The following TUSC3 variants were observed in gnomAD, a reference collection of about 807,000 sequenced individuals.
TUSC3 encodes the protein tumor suppressor candidate 3.
TUSC3 carries 45 observed loss-of-function variants against 44.8 expected under a neutral mutation model. The observed-to-expected ratio is 1.00, with a 90% CI of 0.79 to 1.29. The LOEUF (loss-of-function observed/expected upper bound fraction) is 1.29, where lower values mean the gene tolerates loss of function less well. Among genes scored for constraint, TUSC3 ranks in the 50% most tolerant of loss-of-function variants. The pLI is 0.00. For synonymous variants in TUSC3, 212 were observed against 152.9 expected (o/e 1.39, Z -2.85); for missense variants, 519 against 437.9 (o/e 1.19, Z -1.65).
At position 15,512,087 on chromosome 8, in the gene TUSC3, A is replaced by C. The variant is rs543732345; in HGVS notation, n.189+28604A>C. Among the ~76,000 whole-genome samples, 14 of 152,362 alleles carry C rather than the reference A, an allele frequency of 9.2e-5. No individual in the cohort carries two copies. In the East Asian group the frequency reaches 2.7e-3, roughly 29 times the overall value. On this transcript the variant is annotated intron_variant and non_coding_transcript_variant, in intron 2 of 5. Transcript: ENST00000503191. ...CTTTGAAAAAGAGGAACAATGTTGGAAGACTTGTACTACGTAATTTCAAAA... is the reference window on the plus strand; with the variant it reads ...CTTTGAAAAAGAGGAACAATGTTGGCAGACTTGTACTACGTAATTTCAAAA...
chr8:15,723,727 G>T (rs1325678062), intron 6 of TUSC3, among the ~76,000 whole-genome samples: 3 of 152,210 alleles, frequency 2.0e-5, no homozygotes, highest in East Asian at 1.9e-4. Flanking sequence ...AGCTTATTTT[G>T]TGCAATGACA....
chr8:15,663,866 CT>C (rs1334360554), intron 5 of TUSC3, among the ~76,000 whole-genome samples: 3 of 151,822 alleles, frequency 2.0e-5, no homozygotes, highest in African/African-American at 7.2e-5. Flanking sequence ...AAATGCAGTA[CT>C]TTCACTGTGT....
At chr8:15,650,620 G>A (rs1806851691) in intron 2 of TUSC3, 77 bp from the exon 3 acceptor site, 2 of 1,236,966 alleles carry the variant, frequency 1.6e-6, no homozygotes, top group South Asian at 1.2e-5. Context: ...CTTGTCCTAG[G>A]GTTGTCTGTT....
At chr8:15,438,115 A>G (rs1436920208) in intron 1 of TUSC3, among the ~76,000 whole-genome samples, 4 of 152,010 alleles carry the variant, frequency 2.6e-5, no homozygotes, top group African/African-American at 2.4e-5. Flanking sequence ...GGGTTTTTTG[A>G]GACGGAGTTT....
At chr8:15,758,261 A>C (rs944639166) in intron 10 of TUSC3, 9 of 984,264 alleles carry the variant, frequency 9.1e-6, no homozygotes, top group Non-Finnish European at 1.1e-5. Flanking sequence ...GGTAATAAAA[A>C]ATACAAGTCT....
the TUSC3 span, among the ~76,000 whole-genome samples, chr8:15,777,981 G>A: frequency 6.6e-6 from 1 of 151,522 alleles, no homozygotes; most frequent in Non-Finnish European, 1.5e-5. Flanking sequence ...AAAGAGCATT[G>A]AAAAACATCT....
the TUSC3 span, among the ~76,000 whole-genome samples, chr8:15,833,190 G>A: frequency 6.6e-6 from 1 of 152,044 alleles, no homozygotes; most frequent in Non-Finnish European, 1.5e-5. Context: ...AATGGCTCTT[G>A]CTAAAAAGTC....
chr8:15,582,634 A>C (rs1803416767), intron 1 of TUSC3, among the ~76,000 whole-genome samples: 1 of 152,208 alleles, frequency 6.6e-6, no homozygotes, highest in South Asian at 2.1e-4. Flanking sequence ...AAACAGAGTC[A>C]AGAGGCTAGG....
chr8:15,537,511 A>T (rs578182205), upstream of TUSC3, among the ~76,000 whole-genome samples: 1 of 152,312 alleles, frequency 6.6e-6, no homozygotes, highest in African/African-American at 2.4e-5. Flanking sequence ...AAATCTCTTC[A>T]AACATTTTAC....
chr8:15,823,364 G>A, the TUSC3 span, among the ~76,000 whole-genome samples: 1 of 152,128 alleles, frequency 6.6e-6, no homozygotes, highest in Admixed American at 6.6e-5. Context: ...ACTGTGGACT[G>A]CCTCATTTCA....
At chr8:15,517,223 G>T (rs1801229281) in intron 2 of TUSC3, among the ~76,000 whole-genome samples, 1 of 152,090 alleles carries the variant, frequency 6.6e-6, no homozygotes, top group South Asian at 2.1e-4. Context: ...AAATGTTATA[G>T]ATGGAGAAAC....
intron 2 of TUSC3, among the ~76,000 whole-genome samples, chr8:15,496,631 GC>G (rs1800884003): frequency 6.6e-6 from 1 of 152,102 alleles, no homozygotes; most frequent in South Asian, 2.1e-4. Flanking sequence ...CTAGATACAG[GC>G]CCAGTGGTTA....
intron 2 of TUSC3, among the ~76,000 whole-genome samples, chr8:15,484,983 G>T (rs1317544010): frequency 6.6e-6 from 1 of 152,114 alleles, no homozygotes; most frequent in African/African-American, 2.4e-5. Flanking sequence ...TATGGCGTAT[G>T]GTATGGTGTG....
rs528370038 is a variant in TUSC3, at chr8:15,523,785, C to G, written n.189+40302C>G. Among the ~76,000 whole-genome samples, 13 of 148,900 alleles carry G rather than the reference C, an allele frequency of 8.7e-5. No homozygotes were observed. In the East Asian group the frequency reaches 1.6e-3, roughly 18 times the overall value. The stretch of plus-strand genomic sequence containing the variant: ...AGAAAGTAAAAATAGAGGCAGGGCG[C>G]GGAGGCTTACGCCTGTAATCCCAGC... On this transcript the variant is annotated intron_variant and non_coding_transcript_variant, in intron 2 of 5. Coordinates refer to the TUSC3 transcript ENST00000503191.
At chr8:15,476,238 A>T (rs956772417) in intron 1 of TUSC3, among the ~76,000 whole-genome samples, 1 of 152,208 alleles carries the variant, frequency 6.6e-6, no homozygotes, top group Admixed American at 6.5e-5. Flanking sequence ...CCTGAGTAGG[A>T]TGAAAAAATA....
intron 1 of TUSC3, among the ~76,000 whole-genome samples, chr8:15,449,463 C>T (rs1800164165): frequency 6.6e-6 from 1 of 152,072 alleles, no homozygotes; most frequent in African/African-American, 2.4e-5. Flanking sequence ...GGTCTCTTAC[C>T]AGGAAGGAAT....
chr8:15,815,007 A>G, the TUSC3 span, among the ~76,000 whole-genome samples: 2 of 152,178 alleles, frequency 1.3e-5, no homozygotes, highest in Non-Finnish European at 2.9e-5. Context: ...CAAGATACAC[A>G]CAGACACAAA....
chr8:15,806,667 T>C, the TUSC3 span: 4 of 1,066,784 alleles, frequency 3.7e-6, no homozygotes, highest in South Asian at 5.1e-5. Context: ...AGCTGCCCAG[T>C]AGGACCTTTC....
intron 1 of TUSC3, among the ~76,000 whole-genome samples, chr8:15,419,393 G>A (rs1324009948): frequency 1.3e-5 from 2 of 152,178 alleles, no homozygotes; most frequent in African/African-American, 4.8e-5. Context: ...ATATCTTATT[G>A]CTGAAGTCAG....
Sources: gnomAD v4.1 joint callset for allele counts (sites outside exome capture counted in the v4.1 genomes callset) on GRCh38, gnomAD v4.1.1 for gene constraint, MANE v1.5 for transcripts, NCBI Gene and HGNC (gene_info 2026-07-23, HGNC 2026-07-21) for gene names.